CA10: variants seen among roughly 807,000 people sequenced by gnomAD.
The protein encoded by CA10 is carbonic anhydrase-related protein 10.
CA10 carries 14 observed loss-of-function variants against 44.2 expected under a neutral mutation model. That is an observed-to-expected ratio of 0.32 (90% CI 0.21 to 0.50). The LOEUF is 0.50. Ranked by LOEUF, CA10 falls within the 20% of genes least tolerant of loss-of-function variation. The probability of loss-of-function intolerance (pLI) is 0.99; values close to 1 mark genes in which losing one functional copy is unlikely to be tolerated. For missense variants in CA10, 350 were observed against 409.7 expected (o/e 0.85, Z 1.26); for synonymous variants, 159 against 141.6 (o/e 1.12, Z -0.87).
intron 3 of CA10, among the ~76,000 whole-genome samples, chr17:51,837,568 C>G (rs946309165): frequency 6.6e-6 from 1 of 152,146 alleles, no homozygotes; most frequent in Admixed American, 6.6e-5. Flanking sequence ...GGAAACCAGG[C>G]CTCCTTTATT....
intron 1 of CA10, among the ~76,000 whole-genome samples, chr17:52,095,404 A>G (rs960059489): frequency 2.0e-5 from 3 of 152,098 alleles, no homozygotes; most frequent in African/African-American, 7.2e-5. Context: ...TGTGATAGTT[A>G]TGTAGTATAT....
At chr17:51,719,349 T>A (rs547652421) in intron 4 of CA10, among the ~76,000 whole-genome samples, 5 of 152,174 alleles carry the variant, frequency 3.3e-5, no homozygotes, top group African/African-American at 1.2e-4. Flanking sequence ...AGGTGACACC[T>A]GAGGTTCGCT....
At chr17:52,117,338 C>A (rs9903361) in intron 1 of CA10, among the ~76,000 whole-genome samples, 12,676 of 152,156 alleles carry the variant, frequency 0.083, 655 homozygotes, top group African/African-American at 0.14. Flanking sequence ...CGGATAAATC[C>A]CTCTCAAAAT....
intron 2 of CA10, among the ~76,000 whole-genome samples, chr17:52,064,840 A>T (rs1323176715): frequency 1.3e-5 from 2 of 152,222 alleles, no homozygotes; most frequent in Non-Finnish European, 2.9e-5. Context: ...GAGTTCCTCT[A>T]TTAATCATTC....
At chr17:51,778,429 C>A (rs146018956) in intron 3 of CA10, among the ~76,000 whole-genome samples, 3 of 152,210 alleles carry the variant, frequency 2.0e-5, no homozygotes, top group African/African-American at 7.2e-5. Flanking sequence ...GGGCATAGAT[C>A]GCTATATGAG....
chr17:51,949,379 A>G (rs968039458), intron 2 of CA10, among the ~76,000 whole-genome samples: 6 of 152,302 alleles, frequency 3.9e-5, no homozygotes, highest in African/African-American at 1.4e-4. Context: ...GGTCTCATTT[A>G]CACTTCTATT....
At chr17:52,019,519 G>A (rs1404081488) in intron 2 of CA10, among the ~76,000 whole-genome samples, 1 of 152,026 alleles carries the variant, frequency 6.6e-6, no homozygotes, top group Non-Finnish European at 1.5e-5. Flanking sequence ...GGTATTTGGA[G>A]ATTTTCTTAC....
At chr17:51,916,518 T>C (rs1261364321) in intron 3 of CA10, among the ~76,000 whole-genome samples, 1 of 152,244 alleles carries the variant, frequency 6.6e-6, no homozygotes, top group Admixed American at 6.5e-5. Context: ...TGAGATCTGA[T>C]GGTTTTATAA....
intron 6 of CA10, among the ~76,000 whole-genome samples, chr17:51,639,309 GGGA>G (rs1912977512): frequency 6.6e-6 from 1 of 152,122 alleles, no homozygotes; most frequent in African/African-American, 2.4e-5. Flanking sequence ...CGGGGCGGTG[GGGA>G]GGAGTGAAGG....
intron 4 of CA10, among the ~76,000 whole-genome samples, 182 bp from the exon 5 acceptor site, chr17:51,653,918 G>T (rs1007959954): frequency 6.6e-6 from 1 of 152,176 alleles, no homozygotes; most frequent in Admixed American, 6.5e-5. Flanking sequence ...GCATGTACAC[G>T]CACACAAAAA....
At chr17:51,876,755 G>T (rs192352244) in intron 3 of CA10, among the ~76,000 whole-genome samples, 3 of 151,648 alleles carry the variant, frequency 2.0e-5, no homozygotes, top group Non-Finnish European at 4.4e-5. Flanking sequence ...GCAAGATCCT[G>T]GTCCATATGG....
At chr17:51,821,763 A>G (rs1450667111) in intron 3 of CA10, among the ~76,000 whole-genome samples, 1 of 152,064 alleles carries the variant, frequency 6.6e-6, no homozygotes, top group African/African-American at 2.4e-5. Flanking sequence ...TTATACCTGA[A>G]GACTACTTAA....
At chr17:51,802,189 G>A (rs1906958180) in intron 3 of CA10, among the ~76,000 whole-genome samples, 1 of 152,172 alleles carries the variant, frequency 6.6e-6, no homozygotes, top group African/African-American at 2.4e-5. Flanking sequence ...GTTGAGTTCT[G>A]CCTGTTACAC....
chr17:51,834,354 T>A (rs745682614), intron 3 of CA10, among the ~76,000 whole-genome samples: 3 of 152,352 alleles, frequency 2.0e-5, no homozygotes, highest in South Asian at 2.1e-4. Context: ...TGGGATTTCA[T>A]GGGAAAACAG....
At chr17:51,667,374 C>T (rs1202024190) in intron 4 of CA10, among the ~76,000 whole-genome samples, 1 of 152,112 alleles carries the variant, frequency 6.6e-6, no homozygotes, top group African/African-American at 2.4e-5. Context: ...TGCACCACTC[C>T]CACTAACTGC....
chr17:52,022,373 G>C (rs964578556), intron 2 of CA10, among the ~76,000 whole-genome samples: 2 of 152,050 alleles, frequency 1.3e-5, no homozygotes, highest in African/African-American at 4.8e-5. Flanking sequence ...CATCTTGATA[G>C]ACACAGAAAG....
chr17:52,136,675 T>C (rs1989366106), intron 1 of CA10, among the ~76,000 whole-genome samples: 1 of 152,012 alleles, frequency 6.6e-6, no homozygotes, highest in Non-Finnish European at 1.5e-5. Context: ...TCCTGGAGAG[T>C]TCCCTCTGCC....
At chr17:51,853,269 T>C (rs1216447905) in intron 3 of CA10, among the ~76,000 whole-genome samples, 4 of 152,218 alleles carry the variant, frequency 2.6e-5, no homozygotes, top group Non-Finnish European at 1.5e-5. Context: ...ACTGCAGTGA[T>C]CTAATGCTGA....
chr17:52,006,588 A>G (rs1261238379), intron 2 of CA10, among the ~76,000 whole-genome samples: 2 of 151,690 alleles, frequency 1.3e-5, no homozygotes, highest in Non-Finnish European at 3.0e-5. Context: ...TGTTGTTTGT[A>G]TATTTTTATC....
Sources: allele counts gnomAD v4.1 joint callset (sites outside exome capture counted in the v4.1 genomes callset), GRCh38; gene constraint gnomAD v4.1.1; transcripts MANE v1.5; gene names NCBI Gene and HGNC (gene_info 2026-07-23, HGNC 2026-07-21).